ADGRD1: variants seen among roughly 807,000 people sequenced by gnomAD.
ADGRD1 encodes the protein G-protein coupled receptor 133.
Under a neutral mutation model 113.4 loss-of-function variants are expected in ADGRD1, and 77 were observed. That is an observed-to-expected ratio of 0.68 (90% CI 0.57 to 0.82). The LOEUF (loss-of-function observed/expected upper bound fraction) is 0.82, where lower values mean the gene tolerates loss of function less well. ADGRD1 is among the 40% of genes least tolerant of loss of function. The pLI, the probability that ADGRD1 is intolerant of heterozygous loss-of-function variation, is 0.00. For missense variants in ADGRD1, 1,036 were observed against 1,139.1 expected, an observed-to-expected ratio of 0.91 and a Z score of 1.30; for synonymous variants, 474 against 475.0, an observed-to-expected ratio of 1.00 and a Z score of 0.03.
chr12:131,014,373 CT>C, intron 13 of ADGRD1, 33 bp downstream of exon 13: 1 of 1,591,382 alleles, frequency 6.3e-7, no homozygotes, highest in Non-Finnish European at 8.6e-7. Context: ...TTGTCGCCGC[CT>C]TTGATCTGGT....
rs777208527 is a variant in ADGRD1 at position 131,084,435 on chromosome 12, G to A, written c.1548-105G>A. The stretch of plus-strand genomic sequence containing the variant: ...TCCTGGCGTGGCAGGTGTGGGCGCC[G>A]CCATGAGTTCACGGGGCCATGTGTT... On this transcript the variant is annotated intron_variant, in intron 14 of 24. Coordinates refer to ENST00000261654, the MANE Select transcript of ADGRD1 (RefSeq NM_198827.5). This position sits in a 1 kb window ranked among gnomAD's most constrained non-coding sequence, Gnocchi z 4.5. 4.2e-5 allele frequency: 53 copies of A among 1,272,438 alleles called. No individual in the cohort carries two copies. Among genetic ancestry groups the A allele is most frequent in the Non-Finnish European group, 5.2e-5 (46 of 890,964 alleles). 78.8% of individuals were successfully genotyped at this position (1,272,438 alleles called of 1,614,324 possible).
chr12:131,106,664 TCTC>T (rs1223830676), intron 17 of ADGRD1, among the ~76,000 whole-genome samples: 2 of 152,114 alleles, frequency 1.3e-5, no homozygotes, highest in African/African-American at 4.8e-5. Context: ...CAGCAGAGCC[TCTC>T]CTCCTCACTG....
intron 5 of ADGRD1, among the ~76,000 whole-genome samples, chr12:130,986,637 C>A (rs949722801): frequency 3.3e-5 from 5 of 151,646 alleles, no homozygotes; most frequent in Non-Finnish European, 5.9e-5. Flanking sequence ...TTCTTATTTC[C>A]TTTTTTTTCC....
chr12:131,109,842 G>A (rs1950312760), intron 18 of ADGRD1, among the ~76,000 whole-genome samples: 1 of 152,298 alleles, frequency 6.6e-6, no homozygotes, highest in South Asian at 2.1e-4. Context: ...ACCACTTGTT[G>A]TATTGTGTAT....
At chr12:131,061,766 C>T (rs1215367709) in intron 13 of ADGRD1, among the ~76,000 whole-genome samples, 1 of 152,216 alleles carries the variant, frequency 6.6e-6, no homozygotes, top group African/African-American at 2.4e-5. Flanking sequence ...TACCAGCCAG[C>T]AGATCTCCTC....
rs1424263846 is a variant in ADGRD1 at position 130,964,242 on chromosome 12, A to AGAAGTT, written c.104-2221_104-2220insGAAGTT. Among the ~76,000 whole-genome samples, 299 of 151,790 alleles carry AGAAGTT rather than the reference A, an allele frequency of 2.0e-3. 1 individual carries two copies. Among genetic ancestry groups the AGAAGTT allele is most frequent in the African/African-American group, 7.0e-3 (288 of 41,356 alleles). ...TATGCACAGAAAACTTTGTTTTCTGATTGTGTTTTGTTTTATTTTATTACA... is the reference window on the plus strand; with the variant it reads ...TATGCACAGAAAACTTTGTTTTCTGAGAAGTTTTGTGTTTTGTTTTATTTTATTACA... On this transcript the variant is annotated intron_variant, in intron 2 of 24. Coordinates refer to ENST00000261654, the MANE Select transcript of ADGRD1 (RefSeq NM_198827.5).
intron 2 of ADGRD1, among the ~76,000 whole-genome samples, chr12:130,958,709 C>A (rs557688367): frequency 2.6e-5 from 4 of 152,208 alleles, no homozygotes; most frequent in African/African-American, 9.6e-5. Flanking sequence ...GCGCTCATGA[C>A]GGGCACGGGC....
intron 13 of ADGRD1, among the ~76,000 whole-genome samples, chr12:131,048,209 G>A (rs371528648): frequency 6.6e-6 from 1 of 152,246 alleles, no homozygotes; most frequent in South Asian, 2.1e-4. Flanking sequence ...GGCTGAGGGC[G>A]CAGGGTCAGC....
At chr12:131,016,177 C>T (rs181824675) in intron 13 of ADGRD1, among the ~76,000 whole-genome samples, 12 of 152,376 alleles carry the variant, frequency 7.9e-5, no homozygotes, top group African/African-American at 2.2e-4. Context: ...GCGGTCTTTG[C>T]GCTGTATTAG....
intron 13 of ADGRD1, among the ~76,000 whole-genome samples, chr12:131,046,255 T>TCCTGGTCAGTGTCCTC (rs1566061686): frequency 1.6e-5 from 2 of 125,704 alleles, no homozygotes; most frequent in Non-Finnish European, 3.3e-5. Flanking sequence ...GTCAGTGTCC[T>TCCTGGTCAGTGTCCTC]CCTGGTCAGT....
At chr12:131,102,851 C>T (rs1456806572) in intron 15 of ADGRD1, among the ~76,000 whole-genome samples, 2 of 152,182 alleles carry the variant, frequency 1.3e-5, no homozygotes, top group East Asian at 3.9e-4. Context: ...GTGGGGCTCT[C>T]CTACCCCTAA....
intron 12 of ADGRD1, among the ~76,000 whole-genome samples, chr12:131,010,851 T>C (rs1454027737): frequency 6.6e-6 from 1 of 152,096 alleles, no homozygotes; most frequent in African/African-American, 2.4e-5. Context: ...AAGAGATGGC[T>C]TTCCCCGGGC....
rs529396900 is a variant in ADGRD1 at position 130,966,856 on chromosome 12, G to C, written c.187+310G>C. On this transcript the variant is annotated intron_variant, in intron 3 of 24. Coordinates refer to ENST00000261654, the MANE Select transcript of ADGRD1 (RefSeq NM_198827.5). This position sits in a 1 kb window ranked among gnomAD's most constrained non-coding sequence, Gnocchi z 4.6. ...GGCTGGTCTCAAGCTCCTGGCCTCA[G>C]CAATCCTCTGGCCTTGGCCTCCCAA... 9.5e-6 allele frequency: 4 copies of C among 420,406 alleles called. No homozygotes were observed. The East Asian group carries it at 2.4e-4, about 25-fold the overall frequency. The allele number at this position is 420,406 out of a possible 1,614,324, so 26.0% of individuals were successfully genotyped here. A position where few individuals can be genotyped will look rare whatever the true frequency, so the allele number is the denominator to read the frequency against.
At chr12:130,969,029 G>A (rs1262021297) in intron 3 of ADGRD1, 1 of 1,534,822 alleles carries the variant, frequency 6.5e-7, no homozygotes, top group Admixed American at 2.0e-5. Flanking sequence ...CTACTTTTGT[G>A]TATTCCAATG....
At chr12:131,111,888 G>A (rs1195927) in intron 18 of ADGRD1, among the ~76,000 whole-genome samples, 132,071 of 152,140 alleles carry the variant, frequency 0.87, 58,105 homozygotes, top group Non-Finnish European at 0.93. Context: ...CATATTTATA[G>A]TGATTGTTTT....
At chr12:131,091,560 C>T (rs1376080244) in intron 15 of ADGRD1, among the ~76,000 whole-genome samples, 2 of 152,222 alleles carry the variant, frequency 1.3e-5, no homozygotes, top group Non-Finnish European at 2.9e-5. Context: ...TAGAGTGATA[C>T]ATATCCCATT....
At chr12:131,004,072 C>A in intron 10 of ADGRD1, 114 bp from the exon 11 acceptor site, 2 of 589,504 alleles carry the variant, frequency 3.4e-6, no homozygotes, top group Non-Finnish European at 6.1e-6. Context: ...AATTATACTT[C>A]CCGTGGGGAG....
At chr12:130,958,157 C>G (rs1362607911) in intron 2 of ADGRD1, 1 of 149,162 alleles carries the variant, frequency 6.7e-6, no homozygotes, top group African/African-American at 2.5e-5. Flanking sequence ...CATTTCCCTC[C>G]CTCATTTCCT....
intron 19 of ADGRD1, among the ~76,000 whole-genome samples, chr12:131,119,178 A>T (rs777057718): frequency 2.0e-5 from 3 of 152,256 alleles, no homozygotes; most frequent in Non-Finnish European, 4.4e-5. Flanking sequence ...TGGAAAATAA[A>T]TATTGACGGT....
Sources: gnomAD v4.1 joint callset for allele counts (sites outside exome capture counted in the v4.1 genomes callset) on GRCh38, gnomAD v4.1.1 for gene constraint, Gnocchi (gnomAD v3.1) non-coding constraint, MANE v1.5 for transcripts, NCBI Gene and HGNC (gene_info 2026-07-23, HGNC 2026-07-21) for gene names.